FOXO1: variants seen among roughly 807,000 people sequenced by gnomAD.
FOXO1 encodes forkhead box protein O1.
Under a neutral mutation model 44.1 loss-of-function variants are expected in FOXO1, and 6 were observed. The observed-to-expected ratio is 0.14, with a 90% CI of 0.07 to 0.27. The LOEUF (loss-of-function observed/expected upper bound fraction) is 0.27. Ranked by LOEUF, FOXO1 falls within the 10% of genes least tolerant of loss-of-function variation. FOXO1 has a pLI of 1.00. For missense variants in FOXO1, 737 were observed against 888.8 expected (o/e 0.83, Z 2.17); for synonymous variants, 380 against 362.7 (o/e 1.05, Z -0.54).
intron 1 of FOXO1, among the ~76,000 whole-genome samples, chr13:40,645,627 CTAAT>C (rs1227868600): frequency 3.3e-5 from 5 of 152,064 alleles, no homozygotes; most frequent in African/African-American, 1.2e-4. Flanking sequence ...AACTTTTCAT[CTAAT>C]TAAAGTTAGA....
At chr13:40,628,921 C>T (rs1294212533) in intron 1 of FOXO1, among the ~76,000 whole-genome samples, 1 of 152,170 alleles carries the variant, frequency 6.6e-6, no homozygotes, top group Non-Finnish European at 1.5e-5. Context: ...TATGGCCTAC[C>T]ATGTATATTT....
chr13:40,659,987 G>A (rs1566087669), intron 1 of FOXO1, among the ~76,000 whole-genome samples: 1 of 152,108 alleles, frequency 6.6e-6, no homozygotes, highest in South Asian at 2.1e-4. Flanking sequence ...TCAGCAACTG[G>A]CAAAGAGGAA....
At chr13:40,641,177 G>T (rs1280786062) in intron 1 of FOXO1, among the ~76,000 whole-genome samples, 1 of 152,074 alleles carries the variant, frequency 6.6e-6, no homozygotes, top group East Asian at 1.9e-4. Flanking sequence ...CGTCTTCTAG[G>T]CAGTATGTGT....
chr13:40,633,456 G>C (rs978786379), intron 1 of FOXO1, among the ~76,000 whole-genome samples: 1 of 152,190 alleles, frequency 6.6e-6, no homozygotes, highest in Non-Finnish European at 1.5e-5. Context: ...GAATGATACT[G>C]ATACATGCTA....
rs1293795079 is a variant in FOXO1, at chr13:40,658,395, C to A, written c.630+7188G>T. ...GTTTGAAAACTAGGGAAAGAACTAA[C>A]TAGACCATTAACCCAACTGGGGACC... is the stretch of plus-strand genomic sequence containing the variant. On this transcript the variant is annotated intron_variant, in intron 1 of 2. Coordinates refer to ENST00000379561, the MANE Select transcript of FOXO1 (RefSeq NM_002015.4). Among the ~76,000 whole-genome samples the A allele has an allele frequency of 2.0e-5, 3 of 152,180 alleles. No individual in the cohort carries two copies. In the South Asian group the frequency reaches 6.2e-4, roughly 32 times the overall value.
chr13:40,642,995 G>C (rs1877398935), intron 1 of FOXO1, among the ~76,000 whole-genome samples: 1 of 152,108 alleles, frequency 6.6e-6, no homozygotes, highest in African/African-American at 2.4e-5. Flanking sequence ...ACCACAAACA[G>C]CATTTTCATT....
chr13:40,624,496 T>C (rs2137906598), intron 1 of FOXO1, among the ~76,000 whole-genome samples: 1 of 152,218 alleles, frequency 6.6e-6, no homozygotes, highest in African/African-American at 2.4e-5. Context: ...TTGTAAGTGA[T>C]CAGTTCTGAT....
At chr13:40,621,976 C>CAG (rs1876631309) in intron 1 of FOXO1, among the ~76,000 whole-genome samples, 1 of 152,122 alleles carries the variant, frequency 6.6e-6, no homozygotes, top group African/African-American at 2.4e-5. Flanking sequence ...AAGATCATCT[C>CAG]AGAGAGAAAA....
chr13:40,640,179 C>T (rs1044899552), intron 1 of FOXO1, among the ~76,000 whole-genome samples: 2 of 152,124 alleles, frequency 1.3e-5, no homozygotes, highest in East Asian at 3.8e-4. Flanking sequence ...ACCAATTACT[C>T]AAGAAAAAGC....
At chr13:40,573,729 AC>A (rs1335881915) in intron 1 of FOXO1, among the ~76,000 whole-genome samples, 3 of 152,196 alleles carry the variant, frequency 2.0e-5, no homozygotes, top group African/African-American at 7.2e-5. Flanking sequence ...AAACAAAAAA[AC>A]CTCACAGTTG....
intron 1 of FOXO1, among the ~76,000 whole-genome samples, chr13:40,615,039 T>C (rs1230820838): frequency 6.6e-6 from 1 of 152,168 alleles, no homozygotes; most frequent in Non-Finnish European, 1.5e-5. Flanking sequence ...ATCACTCCAG[T>C]AAGGCAGAAA....
intron 1 of FOXO1, among the ~76,000 whole-genome samples, chr13:40,617,496 G>A (rs1876468411): frequency 6.6e-6 from 1 of 151,750 alleles, no homozygotes; most frequent in Non-Finnish European, 1.5e-5. Context: ...AAGAGAGAAG[G>A]GTGGGAAATC....
rs1593374921 is a variant in FOXO1, at chr13:40,555,744, A to T, written c.*3305T>A. The T allele has an allele frequency of 6.5e-6, 1 of 152,682 alleles. No homozygotes were observed. The highest frequency in any genetic ancestry group is 1.9e-4 in the East Asian group (1 of 5,208). The allele number at this position is 152,682 out of a possible 1,614,324, so 9.5% of individuals were successfully genotyped here. A position where few individuals can be genotyped will look rare whatever the true frequency, so the allele number is the denominator to read the frequency against. ...TAAAGAGCTTATTCTGCATAATTAG[A>T]AAAGAAAGACACCAAGCCATTTAAA... is the stretch of plus-strand genomic sequence containing the variant. On this transcript the variant is annotated 3_prime_UTR_variant, in exon 3 of 3. Coordinates refer to ENST00000379561, the MANE Select transcript of FOXO1 (RefSeq NM_002015.4).
At chr13:40,662,397 T>C (rs1300685306) in intron 1 of FOXO1, among the ~76,000 whole-genome samples, 1 of 152,136 alleles carries the variant, frequency 6.6e-6, no homozygotes, top group African/African-American at 2.4e-5. Context: ...GAAGGCTTTC[T>C]ATGTGAAAAA....
Position 40,666,060 on chromosome 13 carries a change from G to A in FOXO1, c.153C>T (p.Asn51=), listed in dbSNP as rs1878235629. 2 of 1,318,848 alleles carry A rather than the reference G, an allele frequency of 1.5e-6. No homozygotes were observed. Among genetic ancestry groups the A allele is most frequent in the Non-Finnish European group, 9.6e-7 (1 of 1,037,224 alleles). 81.7% of individuals were successfully genotyped at this position (1,318,848 alleles called of 1,614,324 possible). ...SPAPSGSAAA[N]PDAAAGLPSA... ...AGGGCAGGCCCGCCGCGGCGTCGGG[G>A]TTGGCAGCCGCGCTGCCCGACGGCG... The change falls in exon 1 of 3, where the codon AAC becomes AAT. Residue 51 remains asparagine (N), a synonymous_variant. Coordinates refer to ENST00000379561, the MANE Select transcript of FOXO1 (RefSeq NM_002015.4).
chr13:40,664,835 C>T (rs1878169146), intron 1 of FOXO1, among the ~76,000 whole-genome samples: 1 of 151,316 alleles, frequency 6.6e-6, no homozygotes, highest in Non-Finnish European at 1.5e-5. Context: ...CCGCCACCGC[C>T]CGCGCCCGCC....
At chr13:40,570,669 T>C (rs1461420958) in intron 1 of FOXO1, among the ~76,000 whole-genome samples, 1 of 152,176 alleles carries the variant, frequency 6.6e-6, no homozygotes, top group Non-Finnish European at 1.5e-5. Flanking sequence ...TTTCAGAAGG[T>C]AGTAATTAAA....
chr13:40,604,074 T>C (rs1270281944), intron 1 of FOXO1, among the ~76,000 whole-genome samples: 1 of 152,002 alleles, frequency 6.6e-6, no homozygotes, highest in Non-Finnish European at 1.5e-5. Flanking sequence ...CCCGAACAAT[T>C]ATGTGCCAAA....
At chr13:40,604,678 G>A (rs1291142674) in intron 1 of FOXO1, among the ~76,000 whole-genome samples, 1 of 151,894 alleles carries the variant, frequency 6.6e-6, no homozygotes, top group Non-Finnish European at 1.5e-5. Context: ...ATGACAACAG[G>A]AGTCTAAACC....
Sources: allele counts gnomAD v4.1 joint callset (sites outside exome capture counted in the v4.1 genomes callset), GRCh38; gene constraint gnomAD v4.1.1; transcripts MANE v1.5; gene names NCBI Gene and HGNC (gene_info 2026-07-23, HGNC 2026-07-21).